Variants in USP14 observed in about 807,000 individuals in gnomAD.
USP14 encodes ubiquitin carboxyl-terminal hydrolase 14.
Under a neutral mutation model 76.5 loss-of-function variants are expected in USP14, and 38 were observed. The ratio of observed to expected loss-of-function variants is 0.50; its 90% confidence interval spans 0.38 to 0.65. USP14 has a LOEUF of 0.65. Ranked by LOEUF, USP14 falls within the 30% of genes least tolerant of loss-of-function variation. USP14 has a pLI of 0.00. For missense variants in USP14, 467 were observed against 586.5 expected, an observed-to-expected ratio of 0.80 and a Z score of 2.10; for synonymous variants, 192 against 191.7, an observed-to-expected ratio of 1.00 and a Z score of -0.01.
chr18:192,716 G>A, intron 5 of USP14, 126 bp from the exon 6 acceptor site: 1 of 739,986 alleles, frequency 1.4e-6, no homozygotes, highest in South Asian at 2.1e-5. Context: ...GAAAAGGAAA[G>A]GTGGGAACAA....
chr18:191,350 A>G (rs1376202062), intron 5 of USP14, among the ~76,000 whole-genome samples: 2 of 152,222 alleles, frequency 1.3e-5, no homozygotes, highest in African/African-American at 4.8e-5. Context: ...ATTGAGTACA[A>G]TTTAACACAA....
intron 3 of USP14, among the ~76,000 whole-genome samples, chr18:171,023 AAAATATATATATAT>A (rs1233974602): frequency 1.3e-4 from 6 of 46,850 alleles, no homozygotes; most frequent in South Asian, 7.9e-4. Context: ...AAAAAAAAAA[AAAATATATATATAT>A]ATATATATAT....
chr18:161,470 G>T (rs1909116252), intron 1 of USP14, among the ~76,000 whole-genome samples: 1 of 152,138 alleles, frequency 6.6e-6, no homozygotes, highest in African/African-American at 2.4e-5. Flanking sequence ...TAACTCAGAA[G>T]TTAACACTTC....
intron 8 of USP14, 102 bp from the exon 9 acceptor site, chr18:197,945 A>G: frequency 2.0e-6 from 2 of 981,358 alleles, no homozygotes; most frequent in Non-Finnish European, 2.9e-6. Flanking sequence ...ACTGTAAGGG[A>G]CTACATTTTT....
At chr18:182,623 T>C (rs1909816879) in intron 5 of USP14, among the ~76,000 whole-genome samples, 1 of 152,186 alleles carries the variant, frequency 6.6e-6, no homozygotes, top group Admixed American at 6.5e-5. Flanking sequence ...ACAGGTACTG[T>C]TTCAGAACTG....
chr18:159,885 G>C (rs10502287), intron 1 of USP14, among the ~76,000 whole-genome samples: 8,009 of 152,198 alleles, frequency 0.053, 542 homozygotes, highest in East Asian at 0.3. Flanking sequence ...AACTCAAGTA[G>C]ATTTCTAAGG....
intron 3 of USP14, among the ~76,000 whole-genome samples, chr18:171,734 A>G (rs1360661660): frequency 6.6e-6 from 1 of 152,228 alleles, no homozygotes; most frequent in Non-Finnish European, 1.5e-5. Context: ...TTATTTCTCC[A>G]TGAATCTGGG....
chr18:202,937 A>G lies in USP14; in HGVS notation c.934A>G (p.Ile312Val). The G allele has an allele frequency of 6.2e-7, 1 of 1,614,140 alleles. No individual in the cohort carries two copies. The highest frequency in any genetic ancestry group is 1.7e-4 in the Middle Eastern group (1 of 6,060). Reference protein sequence around the residue: ...SPTLQRNALYIKSSKISRLPA... With the variant: ...SPTLQRNALYVKSSKISRLPA... ...AACGTTGCAAAGAAATGCCTTGTAT[A>G]TCAAATCTGTAAGTTATGCAGTCCT... is the stretch of plus-strand genomic sequence containing the variant. Residue 312 changes from isoleucine to valine, a missense_variant, in exon 11 of 16, where the codon ATC becomes GTC. Coordinates refer to ENST00000261601, the MANE Select transcript of USP14 (RefSeq NM_005151.4).
At chr18:185,339 A>G (rs999833484) in intron 5 of USP14, among the ~76,000 whole-genome samples, 1 of 151,898 alleles carries the variant, frequency 6.6e-6, no homozygotes, top group South Asian at 2.1e-4. Context: ...TTGTATTTTT[A>G]GTAGAGACGG....
intron 5 of USP14, among the ~76,000 whole-genome samples, chr18:189,447 C>CA: frequency 6.6e-6 from 1 of 151,134 alleles, no homozygotes; most frequent in South Asian, 2.1e-4. Context: ...ACTAGAAAGT[C>CA]TCTTATCTTT....
At chr18:169,360 C>CAAAAA (rs11336218) in intron 3 of USP14, among the ~76,000 whole-genome samples, 63 of 79,346 alleles carry the variant, frequency 7.9e-4, no homozygotes, top group Middle Eastern at 6.3e-3. Context: ...GACTCTACCT[C>CAAAAA]AAAAAAAAAA....
chr18:193,222 C>T (rs1910140026), intron 6 of USP14, among the ~76,000 whole-genome samples: 1 of 152,046 alleles, frequency 6.6e-6, no homozygotes, highest in African/African-American at 2.4e-5. Context: ...ATCCATGTAT[C>T]ATTATAAAAG....
chr18:195,080 G>A (rs1476796381), intron 6 of USP14, among the ~76,000 whole-genome samples: 1 of 148,000 alleles, frequency 6.8e-6, no homozygotes, highest in Non-Finnish European at 1.5e-5. Flanking sequence ...ATCCCACATT[G>A]CATTTAGTTG....
intron 3 of USP14, among the ~76,000 whole-genome samples, chr18:167,996 G>C (rs983567978): frequency 7.2e-6 from 1 of 138,214 alleles, no homozygotes; most frequent in Non-Finnish European, 1.5e-5. Flanking sequence ...AGAGTGCAAT[G>C]GCGCGATCTC....
At chr18:203,026 T>G in intron 11 of USP14, 72 bp from the exon 12 acceptor site, 1 of 1,603,132 alleles carries the variant, frequency 6.2e-7, no homozygotes, top group Non-Finnish European at 8.5e-7. Flanking sequence ...AGTCTTAATT[T>G]TTACCACCAA....
intron 2 of USP14, among the ~76,000 whole-genome samples, chr18:165,549 C>T (rs138425645): frequency 6.6e-6 from 1 of 152,248 alleles, no homozygotes; most frequent in African/African-American, 2.4e-5. Context: ...TTATTGAGTA[C>T]TTATTTTATG....
chr18:203,735 G>A (rs575189668), intron 12 of USP14, among the ~76,000 whole-genome samples: 11 of 151,918 alleles, frequency 7.2e-5, no homozygotes, highest in East Asian at 1.9e-4. Flanking sequence ...TCAACCTCCC[G>A]AGTAGCTGGG....
At chr18:208,869 C>A (rs1278303829) in intron 13 of USP14, among the ~76,000 whole-genome samples, 1 of 152,158 alleles carries the variant, frequency 6.6e-6, no homozygotes, top group Non-Finnish European at 1.5e-5. Context: ...CCTCAGCGTC[C>A]CGAGTAGCTG....
intron 3 of USP14, among the ~76,000 whole-genome samples, chr18:178,534 T>G (rs1268275141): frequency 1.3e-5 from 2 of 152,214 alleles, no homozygotes; most frequent in African/African-American, 2.4e-5. Context: ...GATTCTATAT[T>G]GTCATGTAAC....
Sources: gnomAD v4.1 joint callset for allele counts (sites outside exome capture counted in the v4.1 genomes callset) on GRCh38, gnomAD v4.1.1 for gene constraint, MANE v1.5 for transcripts, NCBI Gene and HGNC (gene_info 2026-07-23, HGNC 2026-07-21) for gene names.